Variants in ZDHHC14 observed in about 807,000 individuals in gnomAD.
ZDHHC14 encodes zDHHC palmitoyltransferase 14.
ZDHHC14 carries 16 observed loss-of-function variants against 47.7 expected under a neutral mutation model. The observed-to-expected ratio is 0.34, with a 90% CI of 0.23 to 0.51. The LOEUF is 0.51. Among genes scored for constraint, ZDHHC14 ranks in the 20% least tolerant of loss-of-function variants. The probability of loss-of-function intolerance (pLI) is 0.97; values close to 1 mark genes in which losing one functional copy is unlikely to be tolerated. For synonymous variants in ZDHHC14, 293 were observed against 278.9 expected, an observed-to-expected ratio of 1.05 and a Z score of -0.50; for missense variants, 515 against 662.5, an observed-to-expected ratio of 0.78 and a Z score of 2.44.
chr6:157,592,854 G>A (rs920390148), intron 2 of ZDHHC14, 134 bp from the exon 3 acceptor site: 61 of 1,481,636 alleles, frequency 4.1e-5, no homozygotes, highest in Non-Finnish European at 5.5e-5. Context: ...CCCAGCCTGG[G>A]TAAACCGTGG....
intron 2 of ZDHHC14, among the ~76,000 whole-genome samples, chr6:157,584,056 G>C (rs1404517840): frequency 6.6e-6 from 1 of 152,206 alleles, no homozygotes; most frequent in East Asian, 1.9e-4. Flanking sequence ...TATGGTTGAA[G>C]CACTCAGGGT....
chr6:157,416,972 G>GTTTTTTTTGTT (rs1777988938), intron 1 of ZDHHC14, among the ~76,000 whole-genome samples: 4 of 45,558 alleles, frequency 8.8e-5, no homozygotes, highest in Admixed American at 3.7e-4. Flanking sequence ...TGCCTGGCTA[G>GTTTTTTTTGTT]TTTTTTTTTT....
At position 157,546,790 on chromosome 6, in the gene ZDHHC14, G is replaced by GA. The variant is rs542561307; in HGVS notation, c.406+4046dup. Among the ~76,000 whole-genome samples, 231 of 152,306 alleles carry GA rather than the reference G, an allele frequency of 1.5e-3. 1 individual carries two copies. Among genetic ancestry groups the GA allele is most frequent in the African/African-American group, 5.2e-3 (216 of 41,558 alleles). ...ATCAAAGTGTTGAATTTCTATTAGGGATAGACCTTTCCAGGGATCAAAATA... is the reference window on the plus strand; with the variant it reads ...ATCAAAGTGTTGAATTTCTATTAGGGAATAGACCTTTCCAGGGATCAAAATA... On this transcript the variant is annotated intron_variant, in intron 2 of 8. Transcript: ENST00000359775.
chr6:157,569,784 C>A (rs1783032171), intron 2 of ZDHHC14, among the ~76,000 whole-genome samples: 1 of 151,896 alleles, frequency 6.6e-6, no homozygotes. Flanking sequence ...CGGAAGCTAC[C>A]TACCATTTTT....
intron 1 of ZDHHC14, among the ~76,000 whole-genome samples, chr6:157,531,186 G>A (rs572446320): frequency 6.6e-6 from 1 of 152,240 alleles, no homozygotes; most frequent in Non-Finnish European, 1.5e-5. Flanking sequence ...CTGCTCTGAT[G>A]ATTCCACAAC....
chr6:157,418,646 C>T (rs777213072), intron 1 of ZDHHC14, among the ~76,000 whole-genome samples: 1 of 152,172 alleles, frequency 6.6e-6, no homozygotes, highest in Admixed American at 6.5e-5. Context: ...TTCAAGACTT[C>T]GAGTGTGCCA....
intron 1 of ZDHHC14, among the ~76,000 whole-genome samples, chr6:157,386,995 C>T (rs1233196369): frequency 6.6e-6 from 1 of 152,140 alleles, no homozygotes; most frequent in Admixed American, 6.6e-5. Context: ...TCAGCAGCAT[C>T]ATATGAGGTG....
At chr6:157,646,998 A>T (rs1233647602) in intron 6 of ZDHHC14, among the ~76,000 whole-genome samples, 1 of 152,256 alleles carries the variant, frequency 6.6e-6, no homozygotes, top group Non-Finnish European at 1.5e-5. Flanking sequence ...CTGCTGGCTT[A>T]TATGAGATGG....
intron 1 of ZDHHC14, among the ~76,000 whole-genome samples, chr6:157,495,695 ATTTTTTTTT>A (rs71027341): frequency 6.4e-4 from 67 of 104,346 alleles, no homozygotes; most frequent in Non-Finnish European, 7.2e-4. Context: ...TTCGGGTTGA[ATTTTTTTTT>A]TTTTTTTTTT....
chr6:157,635,284 C>T (rs979321299), intron 5 of ZDHHC14, among the ~76,000 whole-genome samples: 8 of 152,166 alleles, frequency 5.3e-5, no homozygotes, highest in African/African-American at 1.4e-4. Flanking sequence ...TGAGCTACCG[C>T]GCCCAGCCAC....
At chr6:157,651,497 G>A (rs975668838) in intron 7 of ZDHHC14, among the ~76,000 whole-genome samples, 1 of 152,176 alleles carries the variant, frequency 6.6e-6, no homozygotes, top group African/African-American at 2.4e-5. Context: ...TTGCAAGTAA[G>A]GTCACACTCG....
intron 3 of ZDHHC14, among the ~76,000 whole-genome samples, chr6:157,610,522 A>G (rs1169974997): frequency 2.0e-5 from 3 of 152,172 alleles, no homozygotes; most frequent in Non-Finnish European, 2.9e-5. Flanking sequence ...TTTTATCTCA[A>G]CAGGCTCCAC....
rs927425525 is a variant in ZDHHC14, at chr6:157,586,408, A to T, written c.407-6580A>T. On this transcript the variant is annotated intron_variant, in intron 2 of 8. Coordinates refer to ENST00000359775, the MANE Select transcript of ZDHHC14 (RefSeq NM_024630.3). The surrounding 1 kb of genome is among the most constrained non-coding windows in gnomAD (Gnocchi z 4.6). ...AAAATATCACGTGCAAATGCCTGGA[A>T]GTAGAAAACAGCATTGCCCGCTCAG... is the stretch of plus-strand genomic sequence containing the variant. 2.0e-5 allele frequency among the ~76,000 whole-genome samples: 3 copies of T among 152,230 alleles called. No homozygotes were observed. Among genetic ancestry groups the T allele is most frequent in the Non-Finnish European group, 4.4e-5 (3 of 68,046 alleles).
At chr6:157,413,589 CTT>C (rs879656638) in intron 1 of ZDHHC14, among the ~76,000 whole-genome samples, 8 of 139,420 alleles carry the variant, frequency 5.7e-5, no homozygotes, top group Admixed American at 2.2e-4. Context: ...TCCTTCCTTT[CTT>C]TTTTTTTTTT....
chr6:157,412,208 G>A (rs1450481352), intron 1 of ZDHHC14, among the ~76,000 whole-genome samples: 2 of 151,942 alleles, frequency 1.3e-5, no homozygotes, highest in Non-Finnish European at 2.9e-5. Context: ...CAAAGTGCTG[G>A]GATTACAGAC....
At chr6:157,445,909 G>A (rs1161408951) in intron 1 of ZDHHC14, among the ~76,000 whole-genome samples, 1 of 152,184 alleles carries the variant, frequency 6.6e-6, no homozygotes, top group Non-Finnish European at 1.5e-5. Context: ...CCAGGGCAAA[G>A]TCATCGCTGG....
chr6:157,507,006 C>T (rs1036267106), intron 1 of ZDHHC14, among the ~76,000 whole-genome samples: 2 of 152,062 alleles, frequency 1.3e-5, no homozygotes, highest in African/African-American at 2.4e-5. Flanking sequence ...TCCTGTGACC[C>T]TGCCCCCTAC....
intron 2 of ZDHHC14, among the ~76,000 whole-genome samples, chr6:157,548,962 G>A (rs1395933339): frequency 6.6e-6 from 1 of 152,244 alleles, no homozygotes; most frequent in Admixed American, 6.5e-5. Context: ...GTAGGATGTG[G>A]CCGCGGCATT....
rs188875874 is a variant in ZDHHC14 at position 157,404,153 on chromosome 6, T to A, written c.245+21887T>A. Among the ~76,000 whole-genome samples the A allele has an allele frequency of 3.2e-4, 48 of 152,320 alleles. No homozygotes were observed. In the East Asian group the frequency reaches 7.5e-3, roughly 24 times the overall value. On this transcript the variant is annotated intron_variant, in intron 1 of 8. Transcript: ENST00000359775. ...AGTGGCTTTCTATTTATTTATTTATTTTTGAGAGAGTCTCGCTCTGTCACC... is the reference window on the plus strand; with the variant it reads ...AGTGGCTTTCTATTTATTTATTTATATTTGAGAGAGTCTCGCTCTGTCACC...
Sources: allele counts gnomAD v4.1 joint callset (sites outside exome capture counted in the v4.1 genomes callset), GRCh38; gene constraint gnomAD v4.1.1; non-coding constraint Gnocchi (gnomAD v3.1); transcripts MANE v1.5; gene names NCBI Gene and HGNC (gene_info 2026-07-23, HGNC 2026-07-21).